The following RGS7BP variants were observed in gnomAD, a reference collection of about 807,000 sequenced individuals.
RGS7BP encodes regulator of G protein signaling 7 binding protein, also known as regulator of G protein signaling 7-binding protein.
A neutral mutation model predicts 31.3 loss-of-function variants in RGS7BP; 9 were observed. The observed-to-expected ratio is 0.29, with a 90% CI of 0.17 to 0.50. The LOEUF (loss-of-function observed/expected upper bound fraction) is 0.50, where lower values mean the gene tolerates loss of function less well. RGS7BP is among the 20% of genes least tolerant of loss of function. The pLI is 0.98. For synonymous variants in RGS7BP, 115 were observed against 120.1 expected, an observed-to-expected ratio of 0.96 and a Z score of 0.28; for missense variants, 274 against 322.0, an observed-to-expected ratio of 0.85 and a Z score of 1.14.
intron 5 of RGS7BP, among the ~76,000 whole-genome samples, chr5:64,601,944 G>A (rs1234449176): frequency 6.6e-6 from 1 of 152,222 alleles, no homozygotes; most frequent in African/African-American, 2.4e-5. Context: ...TGTGGGAGGT[G>A]TCAGTATGTT....
At chr5:64,521,303 T>C (rs1324026118) in intron 2 of RGS7BP, among the ~76,000 whole-genome samples, 9 of 152,164 alleles carry the variant, frequency 5.9e-5, no homozygotes, top group Non-Finnish European at 7.4e-5. Flanking sequence ...TGTCACCCAG[T>C]CTGGAATGCA....
intron 2 of RGS7BP, among the ~76,000 whole-genome samples, chr5:64,544,959 G>A (rs1319937580): frequency 2.6e-5 from 4 of 152,100 alleles, no homozygotes; most frequent in East Asian, 1.9e-4. Flanking sequence ...GGTAAATCAC[G>A]AGGTCAGGAG....
At position 64,506,809 on chromosome 5, in the gene RGS7BP, C is replaced by CTTTTTTT; in HGVS notation, c.165+29_165+35dup. 7.5e-7 allele frequency: 1 copy of CTTTTTTT among 1,326,618 alleles called. No individual in the cohort carries two copies. Among genetic ancestry groups the CTTTTTTT allele is most frequent in the Non-Finnish European group, 1.0e-6 (1 of 1,001,760 alleles). 82.2% of individuals were successfully genotyped at this position (1,326,618 alleles called of 1,614,324 possible). A position where few individuals can be genotyped will look rare whatever the true frequency, so the allele number is the denominator to read the frequency against. On this transcript the variant is annotated intron_variant, in intron 1 of 5. Transcript: ENST00000334025. The surrounding 1 kb of genome is among the most constrained non-coding windows in gnomAD (Gnocchi z 4.6). The stretch of plus-strand genomic sequence containing the variant: ...AAGATGGTGGGTGAAAACTGCGCCT[C>CTTTTTTT]TTTTTTTTTTTTTTTAATTGAGAGG...
In RGS7BP at chr5:64,594,972, A is replaced by G. The variant is rs1580465186; in HGVS notation, c.611+115A>G. On this transcript the variant is annotated intron_variant, in intron 4 of 5. Coordinates refer to ENST00000334025, the MANE Select transcript of RGS7BP (RefSeq NM_001029875.3). The stretch of plus-strand genomic sequence containing the variant: ...ATTCAGAAACAGAGCTTTCTTTGGT[A>G]TGCCAGAGGAGCATAGTGCTGTCAG... 4.0e-5 allele frequency: 45 copies of G among 1,128,392 alleles called. No homozygotes were observed. In the East Asian group the frequency reaches 1.1e-3, roughly 26 times the overall value. The allele number at this position is 1,128,392 out of a possible 1,614,324, so 69.9% of individuals were successfully genotyped here. A position where few individuals can be genotyped will look rare whatever the true frequency, so the allele number is the denominator to read the frequency against.
chr5:64,534,911 C>T (rs1027378034), intron 2 of RGS7BP, among the ~76,000 whole-genome samples: 1 of 152,064 alleles, frequency 6.6e-6, no homozygotes, highest in Non-Finnish European at 1.5e-5. Flanking sequence ...GAGGTGCTCT[C>T]TTAAAACCTA....
chr5:64,600,164 T>C (rs1299679915), intron 5 of RGS7BP, among the ~76,000 whole-genome samples: 1 of 152,164 alleles, frequency 6.6e-6, no homozygotes, highest in Non-Finnish European at 1.5e-5. Flanking sequence ...TTTGAAGCTG[T>C]CCTCAGTGTC....
intron 5 of RGS7BP, among the ~76,000 whole-genome samples, chr5:64,603,883 G>A (rs527417392): frequency 1.3e-5 from 2 of 152,148 alleles, no homozygotes; most frequent in Non-Finnish European, 2.9e-5. Context: ...GTTTATAGAA[G>A]CAATGGGAAC....
At chr5:64,590,007 G>A (rs1742868118) in intron 3 of RGS7BP, among the ~76,000 whole-genome samples, 1 of 150,636 alleles carries the variant, frequency 6.6e-6, no homozygotes, top group East Asian at 1.9e-4. Context: ...AAATGATAAA[G>A]TATTTTATTG....
intron 2 of RGS7BP, among the ~76,000 whole-genome samples, chr5:64,534,467 T>C (rs934933040): frequency 6.6e-6 from 1 of 152,114 alleles, no homozygotes; most frequent in African/African-American, 2.4e-5. Context: ...TAGTTGCTTG[T>C]TTTAGAGGTA....
chr5:64,530,438 G>T (rs918893415), intron 2 of RGS7BP, among the ~76,000 whole-genome samples: 2 of 152,204 alleles, frequency 1.3e-5, no homozygotes, highest in Admixed American at 6.5e-5. Flanking sequence ...ATCTCACATT[G>T]TCCTTGGAAC....
chr5:64,526,806 CAG>C (rs1288644027), intron 2 of RGS7BP, among the ~76,000 whole-genome samples: 1 of 152,072 alleles, frequency 6.6e-6, no homozygotes, highest in Non-Finnish European at 1.5e-5. Flanking sequence ...AGGAGGGGCT[CAG>C]AGCCATGGAG....
At chr5:64,564,737 G>T (rs189345603) in intron 2 of RGS7BP, among the ~76,000 whole-genome samples, 5 of 151,966 alleles carry the variant, frequency 3.3e-5, no homozygotes, top group Admixed American at 6.6e-5. Context: ...AATTCCTTGC[G>T]CTGTAAGCCA....
At chr5:64,598,461 G>A (rs1009906372) in intron 5 of RGS7BP, 26 bp downstream of exon 5, 5 of 1,440,166 alleles carry the variant, frequency 3.5e-6, no homozygotes, top group Non-Finnish European at 4.9e-6. Context: ...TCTCTTTGAG[G>A]CAGAGGATGT....
At chr5:64,589,162 G>T (rs565694453) in intron 3 of RGS7BP, among the ~76,000 whole-genome samples, 2 of 152,082 alleles carry the variant, frequency 1.3e-5, no homozygotes, top group East Asian at 3.9e-4. Context: ...CGGGCATGGT[G>T]GTACACACCT....
At chr5:64,594,450 G>A (rs1475636507) in intron 3 of RGS7BP, among the ~76,000 whole-genome samples, 1 of 151,986 alleles carries the variant, frequency 6.6e-6, no homozygotes, top group African/African-American at 2.4e-5. Flanking sequence ...CAAAGACAGG[G>A]GCTTTAATAT....
At chr5:64,594,884 C>G in intron 4 of RGS7BP, 27 bp downstream of exon 4, 2 of 1,609,668 alleles carry the variant, frequency 1.2e-6, no homozygotes, top group Non-Finnish European at 1.7e-6. Flanking sequence ...CCTGAATAGA[C>G]TGCCAATCCT....
At chr5:64,604,648 T>C (rs1240186277) in intron 5 of RGS7BP, among the ~76,000 whole-genome samples, 2 of 152,142 alleles carry the variant, frequency 1.3e-5, no homozygotes, top group Non-Finnish European at 2.9e-5. Context: ...CAGCAATTTG[T>C]GCTTTAACAA....
intron 2 of RGS7BP, among the ~76,000 whole-genome samples, chr5:64,534,338 A>C (rs972662398): frequency 6.6e-6 from 1 of 152,216 alleles, no homozygotes; most frequent in South Asian, 2.1e-4. Flanking sequence ...GCTAGGTCAC[A>C]AGAAAGAGTG....
chr5:64,599,083 G>A (rs1743153290), intron 5 of RGS7BP, among the ~76,000 whole-genome samples: 1 of 152,198 alleles, frequency 6.6e-6, no homozygotes, highest in Non-Finnish European at 1.5e-5. Context: ...AAAGTCCTCT[G>A]CATGCCTTTT....
Sources: allele counts gnomAD v4.1 joint callset (sites outside exome capture counted in the v4.1 genomes callset), GRCh38; gene constraint gnomAD v4.1.1; non-coding constraint Gnocchi (gnomAD v3.1); transcripts MANE v1.5; gene names NCBI Gene and HGNC (gene_info 2026-07-23, HGNC 2026-07-21).